The following CCDC150 variants were observed in gnomAD, a reference collection of about 807,000 sequenced individuals.
CCDC150 encodes the protein coiled-coil domain containing 150.
CCDC150 carries 151 observed loss-of-function variants against 156.5 expected under a neutral mutation model. The ratio of observed to expected loss-of-function variants is 0.97; its 90% CI spans 0.85 to 1.10. The LOEUF (loss-of-function observed/expected upper bound fraction) is 1.10, where lower values mean the gene tolerates loss of function less well. CCDC150 is among the 50% of genes least tolerant of loss of function. CCDC150 has a pLI of 0.00. For missense variants in CCDC150, 1,312 were observed against 1,268.1 expected, an observed-to-expected ratio of 1.03 and a Z score of -0.53; for synonymous variants, 452 against 429.4, an observed-to-expected ratio of 1.05 and a Z score of -0.65.
At chr2:196,676,047 T>A (rs1300739016) in intron 10 of CCDC150, 96 bp from the exon 11 acceptor site, 23 of 1,173,260 alleles carry the variant, frequency 2.0e-5, no homozygotes, top group Non-Finnish European at 2.8e-5. Context: ...CTTGTTTTTT[T>A]AAGTTAGTTC....
chr2:196,649,423 A>G (rs1456640844), intron 2 of CCDC150, among the ~76,000 whole-genome samples: 2 of 152,178 alleles, frequency 1.3e-5, no homozygotes, highest in African/African-American at 4.8e-5. Flanking sequence ...AGTGCAAGGC[A>G]TCACTTTTTC....
At chr2:196,722,430 C>T (rs1356444179) in intron 21 of CCDC150, among the ~76,000 whole-genome samples, 1 of 132,070 alleles carries the variant, frequency 7.6e-6, no homozygotes, top group Non-Finnish European at 1.6e-5. Flanking sequence ...CATGCATCAC[C>T]ACACCTGGCT....
intron 13 of CCDC150, among the ~76,000 whole-genome samples, chr2:196,688,317 A>T (rs895950931): frequency 6.6e-6 from 1 of 151,986 alleles, no homozygotes; most frequent in Non-Finnish European, 1.5e-5. Context: ...CCTTTCACCT[A>T]CCTAGTAGCT....
rs956533950 is a variant in CCDC150 at position 196,732,072 on chromosome 2, C to G, written c.3109C>G (p.His1037Asp). The G allele has an allele frequency of 3.7e-6, 6 of 1,613,566 alleles. No individual in the cohort carries two copies. Among genetic ancestry groups the G allele is most frequent in the Non-Finnish European group, 4.2e-6 (5 of 1,179,694 alleles). ...GGAAGAAGCTCATCGCTGGTTTAAG[C>G]ACAGGTTTGATGGTCTACAACTTGA... ...NLEEAHRWFK[H>D]RFDGLQLELT... is the part of the protein sequence containing the mutation. The change falls in exon 27 of 28, where the codon CAC (histidine) becomes GAC (aspartate). Residue 1037 changes from histidine to aspartate, a missense_variant. Transcript: ENST00000389175.
chr2:196,696,180 T>C (rs150870041), intron 14 of CCDC150, among the ~76,000 whole-genome samples: 1 of 152,072 alleles, frequency 6.6e-6, no homozygotes, highest in African/African-American at 2.4e-5. Flanking sequence ...TCTGTCAAAA[T>C]GAGGATAATA....
intron 13 of CCDC150, among the ~76,000 whole-genome samples, chr2:196,682,193 T>A (rs1214858591): frequency 6.6e-6 from 1 of 152,046 alleles, no homozygotes; most frequent in East Asian, 1.9e-4. Flanking sequence ...ATTGTCCGAG[T>A]ACTGTTCGTT....
chr2:196,710,451 C>T (rs1056264868), intron 15 of CCDC150, among the ~76,000 whole-genome samples: 11 of 152,194 alleles, frequency 7.2e-5, no homozygotes, highest in African/African-American at 1.7e-4. Flanking sequence ...ACCCCCCTTG[C>T]GCTTCCCGGG....
chr2:196,668,400 T>C (rs570559813), intron 7 of CCDC150, among the ~76,000 whole-genome samples: 4 of 152,196 alleles, frequency 2.6e-5, no homozygotes, highest in Non-Finnish European at 5.9e-5. Flanking sequence ...AGGTATCTAT[T>C]ATATTAGTTG....
intron 8 of CCDC150, among the ~76,000 whole-genome samples, chr2:196,670,880 G>A (rs1694162785): frequency 6.6e-6 from 1 of 152,104 alleles, no homozygotes; most frequent in Non-Finnish European, 1.5e-5. Context: ...GCAGTTTTAA[G>A]TTCACAACAA....
chr2:196,710,361 C>T (rs1414325984), intron 15 of CCDC150, among the ~76,000 whole-genome samples: 1 of 151,782 alleles, frequency 6.6e-6, no homozygotes, highest in Non-Finnish European at 1.5e-5. Flanking sequence ...TGGAAAAGCA[C>T]AGTATTTGGG....
intron 5 of CCDC150, among the ~76,000 whole-genome samples, chr2:196,662,716 C>T (rs1693626906): frequency 6.6e-6 from 1 of 151,936 alleles, no homozygotes; most frequent in Non-Finnish European, 1.5e-5. Context: ...ATAGTTTTCC[C>T]TTTTAAAGAA....
chr2:196,682,596 G>T (rs1177812908), intron 13 of CCDC150, among the ~76,000 whole-genome samples: 1 of 151,994 alleles, frequency 6.6e-6, no homozygotes, highest in Admixed American at 6.6e-5. Context: ...TATATTTTCT[G>T]TATAAAGTAT....
chr2:196,644,300 C>T (rs965239084), intron 1 of CCDC150, among the ~76,000 whole-genome samples: 1 of 152,126 alleles, frequency 6.6e-6, no homozygotes, highest in African/African-American at 2.4e-5. Flanking sequence ...CCTAGGTTTT[C>T]TCCCCATCTT....
At chr2:196,687,149 AT>A in intron 13 of CCDC150, among the ~76,000 whole-genome samples, 1 of 152,306 alleles carries the variant, frequency 6.6e-6, no homozygotes, top group East Asian at 1.9e-4. Flanking sequence ...GCTGGGTCAA[AT>A]GGTATTTCTG....
chr2:196,731,366 C>T (rs1050754799), intron 26 of CCDC150, among the ~76,000 whole-genome samples: 7 of 146,540 alleles, frequency 4.8e-5, no homozygotes, highest in African/African-American at 1.5e-4. Context: ...TTAAATTAGC[C>T]TTTTGGGGGG....
chr2:196,700,957 G>A (rs1488101130), intron 14 of CCDC150, among the ~76,000 whole-genome samples, 152 bp from the exon 15 acceptor site: 2 of 152,212 alleles, frequency 1.3e-5, no homozygotes, highest in Non-Finnish European at 2.9e-5. Flanking sequence ...GATCAACTAT[G>A]TAGGAAAAGA....
At chr2:196,691,484 A>G (rs1470421524) in intron 13 of CCDC150, among the ~76,000 whole-genome samples, 2 of 152,072 alleles carry the variant, frequency 1.3e-5, no homozygotes, top group Non-Finnish European at 1.5e-5. Flanking sequence ...TATATTTTCT[A>G]GTTTATGTAC....
At chr2:196,654,716 T>C (rs916616282) in intron 2 of CCDC150, among the ~76,000 whole-genome samples, 5 of 152,190 alleles carry the variant, frequency 3.3e-5, no homozygotes, top group African/African-American at 1.2e-4. Context: ...ACCATATATC[T>C]CCATTTCAGT....
At chr2:196,713,885 A>G (rs533169058) in intron 17 of CCDC150, among the ~76,000 whole-genome samples, 2 of 152,332 alleles carry the variant, frequency 1.3e-5, no homozygotes, top group South Asian at 4.1e-4. Context: ...TTGGCGTAAC[A>G]GTAACTACTG....
Sources: gnomAD v4.1 joint callset for allele counts (sites outside exome capture counted in the v4.1 genomes callset) on GRCh38, gnomAD v4.1.1 for gene constraint, MANE v1.5 for transcripts, NCBI Gene and HGNC (gene_info 2026-07-23, HGNC 2026-07-21) for gene names.